SRPK3: variants seen among roughly 807,000 people sequenced by gnomAD.
The protein encoded by SRPK3 is SFRS protein kinase 3.
In SRPK3, 26 loss-of-function variants were observed where a neutral mutation model predicts 45.3. The observed-to-expected ratio is 0.57, with a 90% CI of 0.42 to 0.80. The LOEUF is 0.80. SRPK3 is among the 30% of genes least tolerant of loss of function. The pLI is 0.00. For synonymous variants in SRPK3, 254 were observed against 226.6 expected (o/e 1.12, Z -1.09); for missense variants, 536 against 514.5 (o/e 1.04, Z -0.40).
chrX:153,781,358 C>T lies in SRPK3; in HGVS notation c.190+12C>T, dbSNP rs781850373. 5 of 1,182,588 alleles carry T rather than the reference C, an allele frequency of 4.2e-6. No individual in the cohort carries two copies. Among genetic ancestry groups the T allele is most frequent in the Non-Finnish European group, 5.7e-6 (5 of 879,550 alleles). ...AGACTACTGCAAGGGTGAGACTTGG[C>T]CTTGGGGACATGCGGCCTCACGGCC... is the stretch of plus-strand genomic sequence containing the variant. On this transcript the variant is annotated intron_variant, in intron 2 of 14. Coordinates refer to ENST00000370101, the MANE Select transcript of SRPK3 (RefSeq NM_014370.4).
At chrX:153,782,252 C>A (rs782548942) in intron 5 of SRPK3, 44 bp downstream of exon 5, 1 of 1,096,594 alleles carries the variant, frequency 9.1e-7, no homozygotes, top group Non-Finnish European at 1.3e-6. Flanking sequence ...AGCCAAGGGC[C>A]GGCAAATGGG....
In SRPK3 at chrX:153,784,729, C is replaced by T. The variant is rs782476534; in HGVS notation, c.1249-21C>T. ...GACAGCCTTGGCCCCAGCCCGTCCC[C>T]AGGGCTCCCCTTGCTTCCAGCACAA... On this transcript the variant is annotated intron_variant, in intron 11 of 14. Transcript: ENST00000370101. The T allele has an allele frequency of 8.3e-6, 10 of 1,204,787 alleles. No individual in the cohort carries two copies. The East Asian group carries it at 3.0e-4, about 36-fold the overall frequency.
Position 153,781,790 on chromosome X carries a change from A to G in SRPK3, c.347A>G (p.Tyr116Cys). ...ALKVVKSAGH[Y>C]TETAVDEIKL... ...AAAGTGGTGAAGAGTGCGGGGCATT[A>G]CACGGAGACAGCTGTGGATGAGATC... The change falls in exon 4 of 15, where the codon TAC becomes TGC. Residue 116 changes from tyrosine to cysteine, a missense_variant. Transcript: ENST00000370101. 8.3e-7 allele frequency: 1 copy of G among 1,211,727 alleles called. No individual in the cohort carries two copies. The highest frequency in any genetic ancestry group is 1.1e-6 in the Non-Finnish European group (1 of 895,546).
Position 153,784,213 on chromosome X carries a change from AG to A in SRPK3, c.1147+1del. 8.3e-7 allele frequency: 1 copy of A among 1,210,859 alleles called. No individual in the cohort carries two copies. On this transcript the variant is annotated splice_donor_variant, in intron 10 of 14. Coordinates refer to ENST00000370101, the MANE Select transcript of SRPK3 (RefSeq NM_014370.4). LOFTEE classifies it high-confidence loss of function. ...GACCGGGGGCCTCCTGTCGCCTAGC[AG>A]TAAGTTGGGTGGCAAGTGGTGGGCA...
Position 153,781,139 on chromosome X carries a change from G to A in SRPK3, c.53G>A (p.Ser18Asn), listed in dbSNP as rs2092048256. Residue 18 changes from serine (S) to asparagine (N), a missense_variant, in exon 1 of 15, where the codon AGC becomes AAC. Physicochemically the swap from Ser to Asn is conservative, Grantham distance 46. Coordinates refer to ENST00000370101, the MANE Select transcript of SRPK3 (RefSeq NM_014370.4). The part of the protein sequence containing the change: ...GGDSGGSGGS[S>N]SSSQASCGPE... Reference sequence around the variant, plus strand: ...GACAGCGGCGGCAGCGGCGGCAGTAGCAGCAGGTAGGGCTCGGCTGGGGCA... The same window carrying A: ...GACAGCGGCGGCAGCGGCGGCAGTAACAGCAGGTAGGGCTCGGCTGGGGCA... 4 of 1,156,766 alleles carry A rather than the reference G, an allele frequency of 3.5e-6. No homozygotes were observed. The highest frequency in any genetic ancestry group is 4.6e-6 in the Non-Finnish European group (4 of 869,360).
intron 14 of SRPK3, 80 bp from the exon 15 acceptor site, chrX:153,785,256 G>T: frequency 8.5e-7 from 1 of 1,181,137 alleles, no homozygotes; most frequent in East Asian, 3.0e-5. Context: ...AGGGAACACT[G>T]GGTCCCAGGA....
At position 153,785,474 on chromosome X, in the gene SRPK3, G is replaced by A; in HGVS notation, c.1658G>A (p.Arg553Gln). 1.7e-6 allele frequency: 2 copies of A among 1,210,308 alleles called. No homozygotes were observed. Among genetic ancestry groups the A allele is most frequent in the Non-Finnish European group, 2.2e-6 (2 of 894,756 alleles). ...LPMMEYIPEK[R>Q]ASAADCLQHP... Reference sequence around the variant, plus strand: ...ATGATGGAGTACATCCCCGAAAAGCGGGCCAGTGCCGCTGACTGCCTCCAG... The same window carrying A: ...ATGATGGAGTACATCCCCGAAAAGCAGGCCAGTGCCGCTGACTGCCTCCAG... Residue 553 changes from arginine (R) to glutamine (Q), a missense_variant, in exon 15 of 15, where the codon CGG (arginine) becomes CAG (glutamine). Coordinates refer to ENST00000370101, the MANE Select transcript of SRPK3 (RefSeq NM_014370.4).
rs1185081623 is a variant in SRPK3 at position 153,784,920 on chromosome X, C to A, written c.1357-14C>A. ...AGCCCACCAGCCAGCAGCCTCACCT[C>A]CTCCCCCTTCCAGGCCTTCGAGCTG... On this transcript the variant is annotated splice_polypyrimidine_tract_variant and intron_variant, in intron 12 of 14. Coordinates refer to ENST00000370101, the MANE Select transcript of SRPK3 (RefSeq NM_014370.4). 3.3e-6 allele frequency: 4 copies of A among 1,209,693 alleles called. No individual in the cohort carries two copies. The African/African-American group carries it at 6.9e-5, about 21-fold the overall frequency.
chrX:153,781,460 GGAGT>G (rs2092051285), intron 2 of SRPK3, 41 bp from the exon 3 acceptor site: 16 of 1,190,148 alleles, frequency 1.3e-5, no homozygotes, highest in Non-Finnish European at 1.8e-5. Flanking sequence ...GGGGCCCAGG[GGAGT>G]GAGAACCCCC....
intron 11 of SRPK3, 138 bp from the exon 12 acceptor site, chrX:153,784,612 T>C: frequency 1.3e-6 from 1 of 793,909 alleles, no homozygotes; most frequent in Non-Finnish European, 1.8e-6. Flanking sequence ...CCTGTCCCTC[T>C]TGGAGGACCT....
In SRPK3 at chrX:153,783,069, G is replaced by A; in HGVS notation, c.699G>A (p.Glu233=). The A allele has an allele frequency of 8.5e-7, 1 of 1,170,700 alleles. No homozygotes were observed. Among genetic ancestry groups the A allele is most frequent in the Non-Finnish European group, 1.1e-6 (1 of 875,989 alleles). The change falls in exon 7 of 15, where the codon GAG becomes GAA. Residue 233 remains glutamate (E), a synonymous_variant. Coordinates refer to ENST00000370101, the MANE Select transcript of SRPK3 (RefSeq NM_014370.4). ...CTTACATCAGGCGCCTGGCTGCCGA[G>A]GCCACGGAGTGGCAACAGGCAGGGG... is the stretch of plus-strand genomic sequence containing the variant. The part of the protein sequence containing the change: ...GDAYIRRLAA[E]ATEWQQAGAP...
At chrX:153,783,192 G>GCCCCCCCCCCCCC (rs781851056) in intron 7 of SRPK3, 34 bp from the exon 8 acceptor site, 5 of 959,803 alleles carry the variant, frequency 5.2e-6, no homozygotes, top group Non-Finnish European at 5.7e-6. Flanking sequence ...GTTCCTCCCT[G>GCCCCCCCCCCCCC]TCCCCCCCCA....
rs782276328 is a variant in SRPK3 at position 153,785,547 on chromosome X, C to T, written c.*27C>T. 2.4e-5 allele frequency: 29 copies of T among 1,190,833 alleles called. No individual in the cohort carries two copies. Among genetic ancestry groups the T allele is most frequent in the Non-Finnish European group, 3.3e-5 (29 of 881,948 alleles). ...CCCGGCTGTGGCTCCACCTCCAGCTCTCCGTGCCTTAAGGGAAAAGCGGGA... is the reference window on the plus strand; with the variant it reads ...CCCGGCTGTGGCTCCACCTCCAGCTTTCCGTGCCTTAAGGGAAAAGCGGGA... On this transcript the variant is annotated 3_prime_UTR_variant, in exon 15 of 15. Coordinates refer to ENST00000370101, the MANE Select transcript of SRPK3 (RefSeq NM_014370.4).
intron 5 of SRPK3, among the ~76,000 whole-genome samples, chrX:153,782,516 G>A (rs1046524296): frequency 2.6e-5 from 3 of 113,621 alleles, no homozygotes; most frequent in African/African-American, 9.6e-5. Context: ...GGGCTGGCCC[G>A]AGAGGCCTCT....
At position 153,781,557 on chromosome X, in the gene SRPK3, G is replaced by A. The variant is rs1557066887; in HGVS notation, c.243G>A (p.Val81=). ...IGDVFNGRYH[V]VRKLGWGHFS... ...ACGTGTTCAATGGGCGGTACCACGT[G>A]GTGCGCAAACTGGGCTGGGGCCACT... The change falls in exon 3 of 15, where the codon GTG becomes GTA. Residue 81 remains valine, a synonymous_variant. Coordinates refer to ENST00000370101, the MANE Select transcript of SRPK3 (RefSeq NM_014370.4). The A allele has an allele frequency of 5.0e-6, 6 of 1,209,910 alleles. No homozygotes were observed. The South Asian group carries it at 1.1e-4, about 21-fold the overall frequency.
At position 153,784,054 on chromosome X, in the gene SRPK3, T is replaced by C. The variant is rs782227754; in HGVS notation, c.988T>C (p.Ser330Pro). 20 of 1,207,952 alleles carry C rather than the reference T, an allele frequency of 1.7e-5. No homozygotes were observed. The highest frequency in any genetic ancestry group is 2.0e-5 in the Non-Finnish European group (18 of 894,502). The change falls in exon 10 of 15, where the codon TCC (serine) becomes CCC (proline). Residue 330 changes from serine (S) to proline (P), a missense_variant. Physicochemically the swap from Ser to Pro is moderately conservative, Grantham distance 74 (BLOSUM62 -1). Transcript: ENST00000370101. ...CHPGGARAGP[S>P]PASSSPAPGG... ...CCCCGGGGGCGCCAGAGCAGGTCCCTCCCCAGCCTCTTCCTCCCCCGCCCC... is the reference window on the plus strand; with the variant it reads ...CCCCGGGGGCGCCAGAGCAGGTCCCCCCCCAGCCTCTTCCTCCCCCGCCCC...
intron 7 of SRPK3, 47 bp from the exon 8 acceptor site, chrX:153,783,179 T>A: frequency 9.0e-7 from 1 of 1,112,298 alleles, no homozygotes; most frequent in Non-Finnish European, 1.2e-6. Context: ...TGCCTGAGTC[T>A]CTGTTCCTCC....
chrX:153,783,411 G>A (rs1459798644), intron 8 of SRPK3, among the ~76,000 whole-genome samples, 160 bp downstream of exon 8: 3 of 112,540 alleles, frequency 2.7e-5, no homozygotes, highest in Non-Finnish European at 3.8e-5. Flanking sequence ...TCCCGGGGGG[G>A]GTCAAGTGCC....
chrX:153,781,830 T>G lies in SRPK3; in HGVS notation c.387T>G (p.Cys129Trp), dbSNP rs1557067005. ...TAVDEIKLLK[C>W]VRDSDPSDPK... ...TGGATGAGATCAAGCTCCTGAAATG[T>G]GTGAGGCACCTCCCTACCCCACTCC... Residue 129 changes from cysteine (C) to tryptophan (W), a missense_variant and splice_region_variant, in exon 4 of 15, where the codon TGT becomes TGG. By Grantham distance (215) the Cys-to-Trp change is radical. Transcript: ENST00000370101. 9.9e-6 allele frequency: 12 copies of G among 1,210,678 alleles called. No individual in the cohort carries two copies. Among genetic ancestry groups the G allele is most frequent in the Non-Finnish European group, 1.3e-5 (12 of 894,934 alleles).
Sources: allele counts gnomAD v4.1 joint callset (sites outside exome capture counted in the v4.1 genomes callset), GRCh38; gene constraint gnomAD v4.1.1; transcripts MANE v1.5; gene names NCBI Gene and HGNC (gene_info 2026-07-23, HGNC 2026-07-21).